MYO16: variants seen among roughly 807,000 people sequenced by gnomAD.
MYO16 encodes unconventional myosin-XVI.
MYO16 carries 94 observed loss-of-function variants against 205.3 expected under a neutral mutation model. That is an observed-to-expected ratio of 0.46 (90% CI 0.39 to 0.54). MYO16 has a LOEUF of 0.54. Ranked by LOEUF, MYO16 falls within the 20% of genes least tolerant of loss-of-function variation. MYO16 has a pLI of 0.00. For missense variants in MYO16, 2,315 were observed against 2,387.5 expected (o/e 0.97, Z 0.63); for synonymous variants, 988 against 954.0 (o/e 1.04, Z -0.66).
the MYO16 span, among the ~76,000 whole-genome samples, chr13:108,511,291 A>G: frequency 7.6e-6 from 1 of 132,114 alleles, no homozygotes; most frequent in East Asian, 2.5e-4. Flanking sequence ...GTGTCTGTTC[A>G]TGTCCTTCGC....
intron 6 of MYO16, among the ~76,000 whole-genome samples, chr13:108,802,766 A>G (rs945422682): frequency 6.6e-6 from 1 of 152,172 alleles, no homozygotes; most frequent in Admixed American, 6.5e-5. Flanking sequence ...CAGCCATCCA[A>G]ACAGGCATGT....
chr13:108,811,067 A>G (rs889431485), intron 7 of MYO16, among the ~76,000 whole-genome samples: 3 of 152,162 alleles, frequency 2.0e-5, no homozygotes, highest in Non-Finnish European at 2.9e-5. Context: ...TGTATTTACT[A>G]TATTTAGTAT....
At position 109,019,756 on chromosome 13, in the gene MYO16, A is replaced by T; in HGVS notation, c.2641A>T (p.Ile881Phe). The change falls in exon 23 of 35, where the codon ATT becomes TTT. Residue 881 changes from isoleucine to phenylalanine, a missense_variant. Ile to Phe is a conservative substitution (Grantham distance 21). This residue lies in a region of MYO16 where 1,213 missense variants were observed against 1,274.4 expected (regional missense o/e 0.95). Coordinates refer to ENST00000457511, the MANE Select transcript of MYO16 (RefSeq NM_001198950.3). ...CTTATTGGATGAAGAAAGTCAAATG[A>T]TTTGGTCAGTGGAATCAAATTTTCC... is the stretch of plus-strand genomic sequence containing the variant. ...LTLLDEESQM[I>F]WSVESNFPKK... The T allele has an allele frequency of 6.2e-7, 1 of 1,614,126 alleles. No homozygotes were observed. The highest frequency in any genetic ancestry group is 8.5e-7 in the Non-Finnish European group (1 of 1,180,004).
intron 28 of MYO16, among the ~76,000 whole-genome samples, chr13:109,118,122 G>A (rs370589649): frequency 1.3e-5 from 2 of 152,182 alleles, no homozygotes; most frequent in South Asian, 2.1e-4. Context: ...AAGACCAAAT[G>A]GCTTAGAAAA....
At chr13:108,614,354 C>G (rs941553969) in intron 1 of MYO16, among the ~76,000 whole-genome samples, 1 of 152,002 alleles carries the variant, frequency 6.6e-6, no homozygotes, top group Non-Finnish European at 1.5e-5. Flanking sequence ...GCATTCTTTT[C>G]CATGGATTGA....
At position 109,146,359 on chromosome 13, in the gene MYO16, T is replaced by C. The variant is rs1337247774; in HGVS notation, c.5164+4983T>C. The stretch of plus-strand genomic sequence containing the variant: ...AAATAATTGTTTTTCAAGTTTTCCT[T>C]ATGGAAAATTTCAAACATAGACAAA... On this transcript the variant is annotated intron_variant, in intron 32 of 34. Transcript: ENST00000457511. Among the ~76,000 whole-genome samples the C allele has an allele frequency of 2.0e-5, 3 of 152,312 alleles. No homozygotes were observed. In the East Asian group the frequency reaches 5.8e-4, roughly 29 times the overall value.
chr13:108,809,780 G>GA (rs1887228882), intron 7 of MYO16, among the ~76,000 whole-genome samples: 1 of 152,174 alleles, frequency 6.6e-6, no homozygotes, highest in South Asian at 2.1e-4. Context: ...GCTTTGTTGT[G>GA]AGGCCTCCAT....
At chr13:108,722,441 C>T (rs990992234) in intron 3 of MYO16, among the ~76,000 whole-genome samples, 1 of 152,148 alleles carries the variant, frequency 6.6e-6, no homozygotes, top group African/African-American at 2.4e-5. Context: ...TTATTGCTGT[C>T]AAATTATTAT....
chr13:109,099,100 C>T (rs1888871194), intron 27 of MYO16, among the ~76,000 whole-genome samples: 1 of 152,286 alleles, frequency 6.6e-6, no homozygotes, highest in Non-Finnish European at 1.5e-5. Flanking sequence ...CTGCACTCCT[C>T]ATCTTCAAGG....
the MYO16 span, among the ~76,000 whole-genome samples, chr13:108,545,662 G>A: frequency 3.3e-5 from 5 of 152,110 alleles, no homozygotes; most frequent in Admixed American, 2.0e-4. Flanking sequence ...ACCAGCATCT[G>A]TTATTTTTTT....
chr13:108,922,061 C>G (rs1297964010), intron 16 of MYO16, among the ~76,000 whole-genome samples: 2 of 152,166 alleles, frequency 1.3e-5, no homozygotes, highest in Admixed American at 1.3e-4. Flanking sequence ...GGTCTTGCTC[C>G]TAGCGTACGT....
intron 32 of MYO16, among the ~76,000 whole-genome samples, chr13:109,146,915 A>G (rs2139821386): frequency 6.6e-6 from 1 of 151,776 alleles, no homozygotes; most frequent in South Asian, 2.1e-4. Flanking sequence ...TTAAATATTT[A>G]TAAATATTTT....
At chr13:108,630,142 GAA>G (rs76743419) in intron 1 of MYO16, among the ~76,000 whole-genome samples, 8,079 of 126,302 alleles carry the variant, frequency 0.064, 704 homozygotes, top group African/African-American at 0.2. Flanking sequence ...ACAGCAACCA[GAA>G]AAAAAAAAAA....
intron 28 of MYO16, among the ~76,000 whole-genome samples, chr13:109,119,696 G>A (rs540210706): frequency 1.3e-5 from 2 of 152,168 alleles, no homozygotes; most frequent in Non-Finnish European, 2.9e-5. Context: ...ACTAGAGCTT[G>A]TCATATAAAC....
chr13:108,832,102 A>G (rs989360706), intron 9 of MYO16, among the ~76,000 whole-genome samples: 1 of 149,798 alleles, frequency 6.7e-6, no homozygotes, highest in Non-Finnish European at 1.5e-5. Flanking sequence ...TGTGGAAATG[A>G]TACTACTTTG....
At chr13:109,068,021 G>T (rs1453104525) in intron 27 of MYO16, among the ~76,000 whole-genome samples, 3 of 152,124 alleles carry the variant, frequency 2.0e-5, no homozygotes, top group Non-Finnish European at 4.4e-5. Context: ...TAATTCCACT[G>T]AGCCAACATT....
intron 1 of MYO16, among the ~76,000 whole-genome samples, chr13:108,651,170 C>A (rs780051179): frequency 2.2e-4 from 34 of 152,154 alleles, no homozygotes; most frequent in Admixed American, 7.9e-4. Context: ...CTGCAGGGAA[C>A]CTGGCCGGTG....
At chr13:109,100,539 T>C (rs201477095) in intron 27 of MYO16, among the ~76,000 whole-genome samples, 11 of 152,242 alleles carry the variant, frequency 7.2e-5, no homozygotes, top group Non-Finnish European at 1.2e-4. Context: ...TTCATGACAG[T>C]GCTAAACATA....
chr13:108,830,504 G>A (rs1024816643), intron 9 of MYO16, among the ~76,000 whole-genome samples: 6 of 150,464 alleles, frequency 4.0e-5, no homozygotes, highest in South Asian at 2.1e-4. Flanking sequence ...GTAAACTATC[G>A]CAAGAACAGA....
Sources: gnomAD v4.1 joint callset for allele counts (sites outside exome capture counted in the v4.1 genomes callset) on GRCh38, gnomAD v4.1.1 for gene constraint, gnomAD v4.1.1 regional missense constraint, MANE v1.5 for transcripts, NCBI Gene and HGNC (gene_info 2026-07-23, HGNC 2026-07-21) for gene names.